Variants in LVRN observed in about 807,000 individuals in gnomAD.
LVRN encodes laeverin.
Under a neutral mutation model 111.4 loss-of-function variants are expected in LVRN, and 99 were observed. The ratio of observed to expected loss-of-function variants is 0.89; its 90% CI spans 0.76 to 1.05. The LOEUF (loss-of-function observed/expected upper bound fraction) is 1.05, where lower values mean the gene tolerates loss of function less well. LVRN is among the 50% of genes least tolerant of loss of function. The pLI, the probability that LVRN is intolerant of heterozygous loss-of-function variation, is 0.00. For missense variants in LVRN, 1,414 were observed against 1,206.8 expected, an observed-to-expected ratio of 1.17 and a Z score of -2.54; for synonymous variants, 488 against 449.5, an observed-to-expected ratio of 1.09 and a Z score of -1.08.
In LVRN at chr5:115,963,232, G is replaced by T. The variant is rs114596209; in HGVS notation, c.615G>T (p.Gln205His). ...PLKPGSSYEL[Q>H]LSFSGLVKED... ...AACCTGGTAGCAGCTACGAGCTGCA[G>T]CTTAGCTTCTCGGGCCTGGTGAAGG... Residue 205 changes from glutamine to histidine, a missense_variant, in exon 1 of 20, where the codon CAG becomes CAT. Coordinates refer to ENST00000357872, the MANE Select transcript of LVRN (RefSeq NM_173800.5). 982 of 1,612,934 alleles carry T rather than the reference G, an allele frequency of 6.1e-4. 6 individuals carry two copies. The African/African-American group carries it at 0.012, about 19-fold the overall frequency.
chr5:116,017,010 G>A lies in LVRN; in HGVS notation c.2756+1245G>A, dbSNP rs539416454. On this transcript the variant is annotated intron_variant, in intron 18 of 19. Coordinates refer to ENST00000357872, the MANE Select transcript of LVRN (RefSeq NM_173800.5). ...TGCAGTTCAAATTGTTATTGGAGAT[G>A]TAAAAGGATTAGGACTTGGTATCTG... 5.9e-5 allele frequency among the ~76,000 whole-genome samples: 9 copies of A among 152,360 alleles called. 1 individual carries two copies. In the South Asian group the frequency reaches 1.9e-3, roughly 32 times the overall value.
intron 6 of LVRN, among the ~76,000 whole-genome samples, chr5:115,999,274 T>A (rs372557501): frequency 6.6e-6 from 1 of 152,226 alleles, no homozygotes; most frequent in Non-Finnish European, 1.5e-5. Context: ...CCATAAACTG[T>A]AATATCCATT....
chr5:116,003,511 AT>A (rs200985984), intron 12 of LVRN, 131 bp downstream of exon 12: 35 of 484,058 alleles, frequency 7.2e-5, no homozygotes, highest in Middle Eastern at 5.6e-4. Context: ...CATGCAAAAG[AT>A]TTTTTTTTCT....
At position 115,976,817 on chromosome 5, in the gene LVRN, A is replaced by G. The variant is rs548083073; in HGVS notation, c.696-6470A>G. On this transcript the variant is annotated intron_variant, in intron 1 of 19. Coordinates refer to ENST00000357872, the MANE Select transcript of LVRN (RefSeq NM_173800.5). ...CTGGATTTGGTTATATTGCTTAGAG[A>G]ATGCTGGCCCTTTTGGATAGTAACT... 9.9e-5 allele frequency among the ~76,000 whole-genome samples: 15 copies of G among 152,200 alleles called. No homozygotes were observed. In the South Asian group the frequency reaches 3.1e-3, roughly 32 times the overall value.
chr5:116,010,621 C>A, intron 13 of LVRN, 120 bp from the exon 14 acceptor site: 2 of 1,067,568 alleles, frequency 1.9e-6, no homozygotes, highest in African/African-American at 1.6e-5. Context: ...CTTCTCGTTT[C>A]TTGACTTATT....
chr5:116,016,741 ACT>A lies in LVRN; in HGVS notation c.2756+978_2756+979del, dbSNP rs200858064. ...CGTCTTCTAGGTATAGTTCTTCCAA[ACT>A]CCAGCTTGGGATATGCTGATGTAAA... On this transcript the variant is annotated intron_variant, in intron 18 of 19. Coordinates refer to ENST00000357872, the MANE Select transcript of LVRN (RefSeq NM_173800.5). Among the ~76,000 whole-genome samples, 702 of 152,158 alleles carry A rather than the reference ACT, an allele frequency of 4.6e-3. 3 individuals carry two copies. Among genetic ancestry groups the A allele is most frequent in the African/African-American group, 0.014 (578 of 41,498 alleles).
Position 115,992,080 on chromosome 5 carries a change from G to C in LVRN, c.1106-43G>C, listed in dbSNP as rs774799119. 2.0e-6 allele frequency: 3 copies of C among 1,527,472 alleles called. No homozygotes were observed. The South Asian group carries it at 3.8e-5, about 19-fold the overall frequency. 94.6% of individuals were successfully genotyped at this position (1,527,472 alleles called of 1,614,324 possible). A position where few individuals can be genotyped will look rare whatever the true frequency, so the allele number is the denominator to read the frequency against. On this transcript the variant is annotated intron_variant, in intron 4 of 19. Transcript: ENST00000357872. The stretch of plus-strand genomic sequence containing the variant: ...AGATATTTAAAAAATCCCATTTTTT[G>C]GAAAAGATTATTTTATTTTCTCCTC...
chr5:115,970,892 G>C (rs1054951721), intron 1 of LVRN, among the ~76,000 whole-genome samples: 3 of 152,132 alleles, frequency 2.0e-5, no homozygotes, highest in Non-Finnish European at 4.4e-5. Flanking sequence ...CCTAAGAGTG[G>C]AGTGGTTAGA....
intron 1 of LVRN, among the ~76,000 whole-genome samples, chr5:115,972,573 C>A (rs1753350631): frequency 6.6e-6 from 1 of 151,620 alleles, no homozygotes; most frequent in Non-Finnish European, 1.5e-5. Context: ...AGTTTCAACG[C>A]CTTTTATTTA....
At chr5:116,019,216 C>G (rs1044889811) in intron 18 of LVRN, among the ~76,000 whole-genome samples, 3 of 152,228 alleles carry the variant, frequency 2.0e-5, no homozygotes, top group Non-Finnish European at 4.4e-5. Context: ...TTAAACATAT[C>G]TAAACATAGA....
At chr5:115,983,091 A>G (rs971778625) in intron 1 of LVRN, among the ~76,000 whole-genome samples, 196 bp from the exon 2 acceptor site, 3 of 152,248 alleles carry the variant, frequency 2.0e-5, no homozygotes, top group Admixed American at 6.5e-5. Context: ...GTGTGCTTGT[A>G]TTTTAGGTCT....
chr5:116,018,938 A>C (rs576496956), intron 18 of LVRN, among the ~76,000 whole-genome samples: 69 of 152,026 alleles, frequency 4.5e-4, no homozygotes, highest in Middle Eastern at 6.8e-3. Context: ...CAGAGACACA[A>C]CCTCCCCCTC....
At position 116,026,794 on chromosome 5, in the gene LVRN, A is replaced by T. The variant is rs1482117174; in HGVS notation, c.*676A>T. On this transcript the variant is annotated 3_prime_UTR_variant, in exon 20 of 20. Transcript: ENST00000357872. Reference sequence around the variant, plus strand: ...AAAAAGACAAATGATTGTAGGATCCATGGAAGTGCACTTAGGCTTGCTGTG... The same window carrying T: ...AAAAAGACAAATGATTGTAGGATCCTTGGAAGTGCACTTAGGCTTGCTGTG... 1 of 152,840 alleles carries T rather than the reference A, an allele frequency of 6.5e-6. No homozygotes were observed. The highest frequency in any genetic ancestry group is 2.4e-5 in the African/African-American group (1 of 41,462). The allele number at this position is 152,840 out of a possible 1,614,324, so 9.5% of individuals were successfully genotyped here.
intron 1 of LVRN, chr5:115,974,727 CA>C (rs953153751): frequency 4.8e-6 from 1 of 206,222 alleles, no homozygotes; most frequent in Non-Finnish European, 9.9e-6. Context: ...GCACCCTATT[CA>C]GTGTACATAT....
rs571933541 is a variant in LVRN, at chr5:116,012,869, T to G, written c.2342+401T>G. ...TTTATTATTAACAGAAATTCAGTCA[T>G]TATGCAGGTAAGATGAAGTAGGTTG... On this transcript the variant is annotated intron_variant, in intron 15 of 19. Coordinates refer to ENST00000357872, the MANE Select transcript of LVRN (RefSeq NM_173800.5). 2.6e-5 allele frequency among the ~76,000 whole-genome samples: 4 copies of G among 152,294 alleles called. No individual in the cohort carries two copies. The South Asian group carries it at 8.3e-4, about 32-fold the overall frequency.
chr5:116,001,188 A>G lies in LVRN; in HGVS notation c.1769A>G (p.Gln590Arg), dbSNP rs771108155. Residue 590 changes from glutamine (Q) to arginine (R), a missense_variant, in exon 10 of 20, where the codon CAG becomes CGG. By Grantham distance (43) the Gln-to-Arg change is conservative. Coordinates refer to ENST00000357872, the MANE Select transcript of LVRN (RefSeq NM_173800.5). ...AATGTGTCTACTGGCGTCATGAAAC[A>G]GGAGCCATTTTATCTTGAAAACATT... The part of the protein sequence containing the change: ...TLNVSTGVMK[Q>R]EPFYLENIKN... The G allele has an allele frequency of 1.9e-6, 3 of 1,614,054 alleles. No homozygotes were observed. Among genetic ancestry groups the G allele is most frequent in the Non-Finnish European group, 2.5e-6 (3 of 1,179,982 alleles).
At chr5:115,976,081 G>C (rs1028496759) in intron 1 of LVRN, 1 of 152,514 alleles carries the variant, frequency 6.6e-6, no homozygotes, top group Admixed American at 6.6e-5. Context: ...TCTTCAATCC[G>C]AAACAGAGCA....
chr5:115,965,971 T>A (rs537663565), intron 1 of LVRN, among the ~76,000 whole-genome samples: 1 of 152,276 alleles, frequency 6.6e-6, no homozygotes, highest in South Asian at 2.1e-4. Flanking sequence ...ACTTTTTATT[T>A]TGAAATAATT....
At position 115,970,186 on chromosome 5, in the gene LVRN, C is replaced by A. The variant is rs550174897; in HGVS notation, c.695+6874C>A. On this transcript the variant is annotated intron_variant, in intron 1 of 19. Coordinates refer to ENST00000357872, the MANE Select transcript of LVRN (RefSeq NM_173800.5). ...TACAATCAATATTAATAAACATATT[C>A]ATCACATCCAAAAGTTTCTTCTGCT... Among the ~76,000 whole-genome samples, 449 of 152,196 alleles carry A rather than the reference C, an allele frequency of 3.0e-3. 1 individual carries two copies. Among genetic ancestry groups the A allele is most frequent in the Non-Finnish European group, 4.9e-3 (335 of 68,016 alleles).
Sources: allele counts gnomAD v4.1 joint callset (sites outside exome capture counted in the v4.1 genomes callset), GRCh38; gene constraint gnomAD v4.1.1; transcripts MANE v1.5; gene names NCBI Gene and HGNC (gene_info 2026-07-23, HGNC 2026-07-21).